Variants in RBM5 observed in about 807,000 individuals in gnomAD.
The protein encoded by RBM5 is RNA-binding protein 5.
In RBM5, 15 loss-of-function variants were observed where a neutral mutation model predicts 124.6. That is an observed-to-expected ratio of 0.12 (90% confidence interval 0.08 to 0.19). RBM5 has a LOEUF of 0.19. Among genes scored for constraint, RBM5 ranks in the 10% least tolerant of loss-of-function variants. The pLI, the probability that RBM5 is intolerant of heterozygous loss-of-function variation, is 1.00. For synonymous variants in RBM5, 337 were observed against 361.2 expected (o/e 0.93, Z 0.76); for missense variants, 580 against 1,026.5 (o/e 0.57, Z 5.94).
At chr3:50,094,075 A>G (rs557903110) in intron 4 of RBM5, 200 bp downstream of exon 4, 9 of 494,612 alleles carry the variant, frequency 1.8e-5, no homozygotes, top group East Asian at 9.0e-5. Flanking sequence ...TTGCATTTAC[A>G]TAAGTCTAAA....
At chr3:50,103,385 G>A (rs539528797) in intron 7 of RBM5, among the ~76,000 whole-genome samples, 1 of 152,306 alleles carries the variant, frequency 6.6e-6, no homozygotes, top group Admixed American at 6.5e-5. Context: ...GGTGGCTCAC[G>A]CCTGTAATCC....
At chr3:50,107,349 C>G (rs2091052004) in intron 11 of RBM5, 133 bp from the exon 12 acceptor site, 2 of 713,774 alleles carry the variant, frequency 2.8e-6, no homozygotes, top group Non-Finnish European at 5.0e-6. Context: ...ATGAAGAGCC[C>G]TCCCCCTGTG....
chr3:50,109,128 C>T (rs975063697), intron 14 of RBM5, among the ~76,000 whole-genome samples: 3 of 152,030 alleles, frequency 2.0e-5, no homozygotes, highest in Admixed American at 6.6e-5. Flanking sequence ...GGCTGGAGTG[C>T]GGTGGCGTTA....
chr3:50,113,865 T>G, intron 18 of RBM5, 85 bp from the exon 19 acceptor site: 1 of 1,453,332 alleles, frequency 6.9e-7, no homozygotes, highest in Non-Finnish European at 9.4e-7. Context: ...ACAGGGCATA[T>G]AGTTGAGATA....
At chr3:50,110,863 T>C in intron 17 of RBM5, 93 bp downstream of exon 17, 1 of 1,039,152 alleles carries the variant, frequency 9.6e-7, no homozygotes, top group South Asian at 1.8e-5. Context: ...TGCAAAAGAA[T>C]ATATGACTCA....
At chr3:50,090,193 C>G in intron 1 of RBM5, 189 bp from the exon 2 acceptor site, 1 of 439,138 alleles carries the variant, frequency 2.3e-6, no homozygotes, top group South Asian at 2.8e-5. Context: ...CGGTTTTGCT[C>G]ATTGTTAACA....
Position 50,115,483 on chromosome 3 carries a change from A to G in RBM5, c.1895A>G (p.Glu632Gly). ...AGTGACAATGAGGAGGAGCTGGTGGAGAGACTTGAGAGTGAGGAAGAGAAG... is the reference window on the plus strand; with the variant it reads ...AGTGACAATGAGGAGGAGCTGGTGGGGAGACTTGAGAGTGAGGAAGAGAAG... ...GDSDNEEELVERLESEEEKLA... is the reference protein window; with the variant it reads ...GDSDNEEELVGRLESEEEKLA... Residue 632 changes from glutamate (E) to glycine (G), a missense_variant, in exon 21 of 25, where the codon GAG (glutamate) becomes GGG (glycine). Around this residue, in one of 6 missense-constraint regions of RBM5, gnomAD observed 234 missense variants for 435.1 expected, o/e 0.54. Transcript: ENST00000347869. 6.2e-7 allele frequency: 1 copy of G among 1,614,094 alleles called. No homozygotes were observed. The highest frequency in any genetic ancestry group is 1.1e-5 in the South Asian group (1 of 91,068).
chr3:50,091,553 GA>G (rs35407762), intron 2 of RBM5, among the ~76,000 whole-genome samples: 1 of 151,750 alleles, frequency 6.6e-6, no homozygotes, highest in African/African-American at 2.4e-5. Context: ...GCCTGATGGG[GA>G]AAAAAAAGAC....
rs2109022289 is a variant in RBM5 at position 50,117,326 on chromosome 3, C to T, written c.2269C>T (p.Arg757Trp). The T allele has an allele frequency of 2.5e-6, 4 of 1,614,156 alleles. No homozygotes were observed. Among genetic ancestry groups the T allele is most frequent in the East Asian group, 2.2e-5 (1 of 44,880 alleles). ...CAAGATGCTGCAGGCCATGGGCTGGCGGGAAGGCTCTGGCTTGGGACGAAA... is the reference window on the plus strand; with the variant it reads ...CAAGATGCTGCAGGCCATGGGCTGGTGGGAAGGCTCTGGCTTGGGACGAAA... The part of the protein sequence containing the change: ...GNKMLQAMGW[R>W]EGSGLGRKCQ... Residue 757 changes from arginine (R) to tryptophan (W), a missense_variant, in exon 24 of 25, where the codon CGG (arginine) becomes TGG (tryptophan). By Grantham distance (101) the Arg-to-Trp change is moderately radical (BLOSUM62 -3). Coordinates refer to ENST00000347869, the MANE Select transcript of RBM5 (RefSeq NM_005778.4). This position sits in a 1 kb window ranked among gnomAD's most constrained non-coding sequence, Gnocchi z 4.2.
At chr3:50,110,011 G>A (rs1040534148) in intron 15 of RBM5, among the ~76,000 whole-genome samples, 2 of 152,148 alleles carry the variant, frequency 1.3e-5, no homozygotes, top group African/African-American at 2.4e-5. Flanking sequence ...AGGAGATCAA[G>A]ACCATCCTGG....
chr3:50,109,666 C>T lies in RBM5; in HGVS notation c.1256C>T (p.Thr419Ile). 7 of 1,613,860 alleles carry T rather than the reference C, an allele frequency of 4.3e-6. No homozygotes were observed. Among genetic ancestry groups the T allele is most frequent in the Non-Finnish European group, 5.9e-6 (7 of 1,179,758 alleles). ...CAGAGTCCTCAGCTGTATAATCAAA[C>T]CTCCAATCCACCTGGCTCTCCGGTA... Reference protein sequence around the residue: ...VSQSPQLYNQTSNPPGSPTEE... With the variant: ...VSQSPQLYNQISNPPGSPTEE... The change falls in exon 15 of 25, where the codon ACC becomes ATC. Residue 419 changes from threonine (T) to isoleucine (I), a missense_variant. Physicochemically the swap from Thr to Ile is moderately conservative, Grantham distance 89. This residue lies in a region of RBM5 where 104 missense variants were observed against 128.7 expected (regional missense o/e 0.81). Coordinates refer to ENST00000347869, the MANE Select transcript of RBM5 (RefSeq NM_005778.4).
rs1241056230 is a variant in RBM5 at position 50,106,897 on chromosome 3, C to T, written c.953+33C>T. 2.7e-6 allele frequency: 4 copies of T among 1,480,550 alleles called. No homozygotes were observed. In the East Asian group the frequency reaches 9.0e-5, roughly 33 times the overall value. The allele number at this position is 1,480,550 out of a possible 1,614,324, so 91.7% of individuals were successfully genotyped here. On this transcript the variant is annotated intron_variant, in intron 11 of 24. Coordinates refer to ENST00000347869, the MANE Select transcript of RBM5 (RefSeq NM_005778.4). ...GCTTCATTGTCCTTATTTCAAACTACTGCATATGCACATTTGTACAGTGTG... is the reference window on the plus strand; with the variant it reads ...GCTTCATTGTCCTTATTTCAAACTATTGCATATGCACATTTGTACAGTGTG...
In RBM5 at chr3:50,117,145, C is replaced by G. The variant is rs1168318578; in HGVS notation, c.2166C>G (p.Arg722=). The change falls in exon 23 of 25, where the codon CGC becomes CGG. Residue 722 remains arginine, a synonymous_variant. Coordinates refer to ENST00000347869, the MANE Select transcript of RBM5 (RefSeq NM_005778.4). This position sits in a 1 kb window ranked among gnomAD's most constrained non-coding sequence, Gnocchi z 4.2. The part of the protein sequence containing the change: ...YGIPEPPEPK[R]KKQFDAGTVN... ...TTCCAGAACCTCCAGAGCCCAAGCG[C>G]AAGAAGCAGTTTGATGCCGGCACTG... The G allele has an allele frequency of 6.2e-7, 1 of 1,614,060 alleles. No individual in the cohort carries two copies. The highest frequency in any genetic ancestry group is 8.5e-7 in the Non-Finnish European group (1 of 1,180,040).
intron 3 of RBM5, chr3:50,092,672 A>G: frequency 2.3e-6 from 1 of 438,872 alleles, no homozygotes. Context: ...ACAACCTGAT[A>G]AGGTAGGTGT....
rs1316852094 is a variant in RBM5 at position 50,114,483 on chromosome 3, G to A, written c.1839+232G>A. On this transcript the variant is annotated intron_variant, in intron 20 of 24. Coordinates refer to ENST00000347869, the MANE Select transcript of RBM5 (RefSeq NM_005778.4). ...TCAATTCCTAAGCTCAGTTAATTAA[G>A]TTTCATTGCATCTGTGAGTGGAGAG... The A allele has an allele frequency of 8.1e-6, 4 of 496,044 alleles. No individual in the cohort carries two copies. In the African/African-American group the frequency reaches 8.1e-5, roughly 10 times the overall value. 30.7% of individuals were successfully genotyped at this position (496,044 alleles called of 1,614,324 possible).
intron 4 of RBM5, among the ~76,000 whole-genome samples, chr3:50,098,398 A>C (rs968636710): frequency 6.6e-6 from 1 of 151,784 alleles, no homozygotes; most frequent in Non-Finnish European, 1.5e-5. Flanking sequence ...CTCCCAGGTA[A>C]CTAGGACTAC....
intron 2 of RBM5, among the ~76,000 whole-genome samples, chr3:50,091,613 C>T (rs999493317): frequency 2.0e-5 from 3 of 152,146 alleles, no homozygotes; most frequent in African/African-American, 7.2e-5. Context: ...AGGCATGATA[C>T]CCTTGAGAGT....
chr3:50,107,167 T>C, intron 11 of RBM5: 3 of 649,074 alleles, frequency 4.6e-6, no homozygotes, highest in South Asian at 4.6e-5. Context: ...AAATAACCCA[T>C]TCCTTCCAGA....
chr3:50,118,311 C>G lies in RBM5; in HGVS notation c.2323-20C>G. On this transcript the variant is annotated intron_variant, in intron 24 of 24. Transcript: ENST00000347869. ...AGCCCATACCCTACCTCCCAGCTGA[C>G]AGTCTCTGTGCTTTCCCAGGCTCAA... The G allele has an allele frequency of 1.2e-6, 2 of 1,613,752 alleles. No individual in the cohort carries two copies. The highest frequency in any genetic ancestry group is 1.7e-6 in the Non-Finnish European group (2 of 1,179,736).
Sources: allele counts gnomAD v4.1 joint callset (sites outside exome capture counted in the v4.1 genomes callset), GRCh38; gene constraint gnomAD v4.1.1; regional missense constraint gnomAD v4.1.1; non-coding constraint Gnocchi (gnomAD v3.1); transcripts MANE v1.5; gene names NCBI Gene and HGNC (gene_info 2026-07-23, HGNC 2026-07-21).